Variants in TMIGD1 observed in about 807,000 individuals in gnomAD.
The protein encoded by TMIGD1 is transmembrane and immunoglobulin domain-containing protein 1.
TMIGD1 carries 29 observed loss-of-function variants against 27.5 expected under a neutral mutation model. That is an observed-to-expected ratio of 1.05 (90% CI 0.78 to 1.44). TMIGD1 has a LOEUF of 1.44. Ranked by LOEUF, TMIGD1 falls within the 40% of genes most tolerant of loss-of-function variation. TMIGD1 has a pLI of 0.00. For missense variants in TMIGD1, 334 were observed against 310.6 expected, an observed-to-expected ratio of 1.08 and a Z score of -0.57; for synonymous variants, 109 against 110.3, an observed-to-expected ratio of 0.99 and a Z score of 0.07.
chr17:30,317,895 C>T (rs1017161385), intron 5 of TMIGD1, among the ~76,000 whole-genome samples: 1 of 151,834 alleles, frequency 6.6e-6, no homozygotes. Flanking sequence ...CATGGCAAAA[C>T]CCTGTCTACA....
intron 2 of TMIGD1, among the ~76,000 whole-genome samples, chr17:30,329,902 C>T (rs563899897): frequency 2.8e-5 from 4 of 145,406 alleles, no homozygotes. Context: ...GAGACTCCGT[C>T]TCTACAAAAA....
chr17:30,320,527 G>T (rs530792486), intron 4 of TMIGD1, among the ~76,000 whole-genome samples: 2 of 152,044 alleles, frequency 1.3e-5, no homozygotes, highest in East Asian at 1.9e-4. Context: ...AACTCTAACC[G>T]AACTGTTAAA....
rs60346282 is a variant in TMIGD1 at position 30,327,045 on chromosome 17, T to TACACACAC, written c.362-1959_362-1952dup. Among the ~76,000 whole-genome samples the TACACACAC allele has an allele frequency of 6.0e-3, 875 of 146,584 alleles. 9 individuals carry two copies. Among genetic ancestry groups the TACACACAC allele is most frequent in the African/African-American group, 0.018 (735 of 39,894 alleles). ...TTATGGATTACTGAGCAATTAACTA[T>TACACACAC]ACACACACACACACACACACACACA... is the stretch of plus-strand genomic sequence containing the variant. On this transcript the variant is annotated intron_variant, in intron 3 of 6. Transcript: ENST00000328886.
At chr17:30,327,078 A>ACACT (rs755137684) in intron 3 of TMIGD1, among the ~76,000 whole-genome samples, 18 of 151,680 alleles carry the variant, frequency 1.2e-4, no homozygotes, top group African/African-American at 4.1e-4. Context: ...ACACACACAC[A>ACACT]CTTAGCAACA....
intron 4 of TMIGD1, among the ~76,000 whole-genome samples, chr17:30,320,892 C>T (rs1172599880): frequency 2.0e-5 from 3 of 152,146 alleles, no homozygotes; most frequent in East Asian, 1.9e-4. Flanking sequence ...GAATCTCGCT[C>T]TGCCGCCCAG....
Position 30,332,158 on chromosome 17 carries a change from A to G in TMIGD1, c.-25T>C, listed in dbSNP as rs753657328. ...TCTTTAATGAGTTAAACTCAGATCT[A>G]CTAAGGGAAAAATAGTGCAGTTGGT... On this transcript the variant is annotated splice_region_variant and 5_prime_UTR_variant, in exon 2 of 7. Coordinates refer to ENST00000328886, the MANE Select transcript of TMIGD1 (RefSeq NM_206832.3). 28 of 1,593,100 alleles carry G rather than the reference A, an allele frequency of 1.8e-5. No homozygotes were observed. In the Admixed American group the frequency reaches 2.8e-4, roughly 16 times the overall value.
intron 3 of TMIGD1, among the ~76,000 whole-genome samples, 156 bp from the exon 4 acceptor site, chr17:30,325,250 G>A (rs180745804): frequency 1.1e-4 from 16 of 152,190 alleles, no homozygotes; most frequent in Admixed American, 7.2e-4. Context: ...GGTAACAAGG[G>A]CAAATAACAC....
At position 30,316,758 on chromosome 17, in the gene TMIGD1, C is replaced by G. The variant is rs765302545; in HGVS notation, c.786-68G>C. The G allele has an allele frequency of 2.1e-6, 3 of 1,441,034 alleles. No individual in the cohort carries two copies. The African/African-American group carries it at 4.2e-5, about 20-fold the overall frequency. The allele number at this position is 1,441,034 out of a possible 1,614,324, so 89.3% of individuals were successfully genotyped here. On this transcript the variant is annotated intron_variant, in intron 6 of 6. Coordinates refer to ENST00000328886, the MANE Select transcript of TMIGD1 (RefSeq NM_206832.3). ...ATAAGAAAAAAATTCAAAACAAAAC[C>G]CATACTCTCTGACAACATGCCTTTG...
chr17:30,325,565 A>T (rs552865507), intron 3 of TMIGD1, among the ~76,000 whole-genome samples: 1 of 63,522 alleles, frequency 1.6e-5, no homozygotes, highest in South Asian at 4.4e-4. Flanking sequence ...TTTCTCATGT[A>T]AAAAAAAAAT....
Position 30,324,976 on chromosome 17 carries a change from A to T in TMIGD1, c.480T>A (p.Ser160Arg). The change falls in exon 4 of 7, where the codon AGT (serine) becomes AGA (arginine). Residue 160 changes from serine to arginine, a missense_variant. Transcript: ENST00000328886. ...GACGGCTTTTCTCTAAATCGAGGAG[A>T]CTACTGTTTTTGTACCACATCATTT... ...QAQMMWYKNS[S>R]LLDLEKSRHQ... is the part of the protein sequence containing the mutation. The T allele has an allele frequency of 6.2e-7, 1 of 1,613,964 alleles. No homozygotes were observed. Among genetic ancestry groups the T allele is most frequent in the Middle Eastern group, 1.6e-4 (1 of 6,062 alleles).
At chr17:30,317,326 G>A in intron 5 of TMIGD1, 93 bp from the exon 6 acceptor site, 3 of 1,381,750 alleles carry the variant, frequency 2.2e-6, no homozygotes, top group Non-Finnish European at 3.1e-6. Context: ...ACAGGTGTGT[G>A]TCCTGTGCAC....
Position 30,316,897 on chromosome 17 carries a change from C to G in TMIGD1, c.786-207G>C, listed in dbSNP as rs764250875. The G allele has an allele frequency of 1.2e-4, 75 of 636,464 alleles. No homozygotes were observed. The African/African-American group carries it at 1.2e-3, about 10-fold the overall frequency. 39.4% of individuals were successfully genotyped at this position (636,464 alleles called of 1,614,324 possible). On this transcript the variant is annotated intron_variant, in intron 6 of 6. Coordinates refer to ENST00000328886, the MANE Select transcript of TMIGD1 (RefSeq NM_206832.3). ...TGGCCTTGTTGTAAAGCAGTATGGACCAGTGACTTCCTCCAGAGCATTTGC... is the reference window on the plus strand; with the variant it reads ...TGGCCTTGTTGTAAAGCAGTATGGAGCAGTGACTTCCTCCAGAGCATTTGC...
rs925318742 is a variant in TMIGD1, at chr17:30,316,588, G to A, written c.*99C>T. 2 of 1,202,886 alleles carry A rather than the reference G, an allele frequency of 1.7e-6. No homozygotes were observed. The highest frequency in any genetic ancestry group is 2.4e-6 in the Non-Finnish European group (2 of 825,532). 74.5% of individuals were successfully genotyped at this position (1,202,886 alleles called of 1,614,324 possible). A position where few individuals can be genotyped will look rare whatever the true frequency, so the allele number is the denominator to read the frequency against. On this transcript the variant is annotated 3_prime_UTR_variant, in exon 7 of 7. Coordinates refer to ENST00000328886, the MANE Select transcript of TMIGD1 (RefSeq NM_206832.3). ...GTGATTAATGAAACAGGAGTGACAG[G>A]AGTGAATTTAATAATAGCAATAAAT...
chr17:30,316,800 C>T lies in TMIGD1; in HGVS notation c.786-110G>A, dbSNP rs185517558. 15 of 980,144 alleles carry T rather than the reference C, an allele frequency of 1.5e-5. No homozygotes were observed. In the African/African-American group the frequency reaches 2.4e-4, roughly 16 times the overall value. 60.7% of individuals were successfully genotyped at this position (980,144 alleles called of 1,614,324 possible). A position where few individuals can be genotyped will look rare whatever the true frequency, so the allele number is the denominator to read the frequency against. ...ATGCCTTTGTTCTTATTACCTACTA[C>T]CCACTTCACATATGCTAGAAGCGCT... On this transcript the variant is annotated intron_variant, in intron 6 of 6. Transcript: ENST00000328886.
chr17:30,316,929 T>A (rs867195182), intron 6 of TMIGD1: 1 of 626,638 alleles, frequency 1.6e-6, no homozygotes. Flanking sequence ...TTGCATTGTG[T>A]GGCAATAAAA....
At chr17:30,327,416 C>CAAA (rs35739777) in intron 3 of TMIGD1, among the ~76,000 whole-genome samples, 1 of 144,440 alleles carries the variant, frequency 6.9e-6, no homozygotes, top group African/African-American at 2.5e-5. Context: ...GACCCTGTCT[C>CAAA]AAAAAAAAAA....
At chr17:30,322,816 T>G (rs112781659) in intron 4 of TMIGD1, among the ~76,000 whole-genome samples, 1 of 152,306 alleles carries the variant, frequency 6.6e-6, no homozygotes, top group South Asian at 2.1e-4. Flanking sequence ...TCTTATTCTA[T>G]ACACAAACCG....
At chr17:30,332,215 C>T (rs1198677987) in intron 1 of TMIGD1, 57 bp from the exon 2 acceptor site, 1 of 1,010,822 alleles carries the variant, frequency 9.9e-7, no homozygotes, top group Non-Finnish European at 1.5e-6. Flanking sequence ...AGTTCGTGAA[C>T]CTTCCTTCTG....
chr17:30,329,822 G>A (rs1345927722), intron 2 of TMIGD1, among the ~76,000 whole-genome samples: 5 of 152,080 alleles, frequency 3.3e-5, no homozygotes, highest in Admixed American at 6.6e-5. Context: ...TATAATCCCA[G>A]GGCTTTGGGA....
Sources: gnomAD v4.1 joint callset for allele counts (sites outside exome capture counted in the v4.1 genomes callset) on GRCh38, gnomAD v4.1.1 for gene constraint, MANE v1.5 for transcripts, NCBI Gene and HGNC (gene_info 2026-07-23, HGNC 2026-07-21) for gene names.